BABAM2: variants seen among roughly 807,000 people sequenced by gnomAD.
BABAM2 encodes BRISC and BRCA1-A complex member 2.
BABAM2 carries 31 observed loss-of-function variants against 54.7 expected under a neutral mutation model. That is an observed-to-expected ratio of 0.57 (90% CI 0.43 to 0.77). The LOEUF (loss-of-function observed/expected upper bound fraction) is 0.77. Among genes scored for constraint, BABAM2 ranks in the 30% least tolerant of loss-of-function variants. The pLI is 0.00. For missense variants in BABAM2, 364 were observed against 455.8 expected (o/e 0.80, Z 1.83); for synonymous variants, 167 against 162.9 (o/e 1.03, Z -0.19).
intron 10 of BABAM2, among the ~76,000 whole-genome samples, chr2:28,296,266 T>C (rs776773679): frequency 9.9e-5 from 15 of 152,242 alleles, no homozygotes; most frequent in Non-Finnish European, 1.9e-4. Flanking sequence ...AAGCGATTTC[T>C]GAATTGAATT....
At chr2:28,093,270 G>A (rs1666316913) in intron 6 of BABAM2, among the ~76,000 whole-genome samples, 1 of 152,060 alleles carries the variant, frequency 6.6e-6, no homozygotes, top group Non-Finnish European at 1.5e-5. Flanking sequence ...TTCTGTTTTG[G>A]GTTGTTTTGT....
At chr2:28,128,734 A>G (rs1431341971) in intron 6 of BABAM2, among the ~76,000 whole-genome samples, 1 of 152,212 alleles carries the variant, frequency 6.6e-6, no homozygotes, top group African/African-American at 2.4e-5. Flanking sequence ...CATGATTCAC[A>G]TATGAATCAT....
chr2:28,246,881 T>C (rs1277351465), intron 10 of BABAM2, among the ~76,000 whole-genome samples: 1 of 152,238 alleles, frequency 6.6e-6, no homozygotes, highest in Admixed American at 6.5e-5. Context: ...AACTCGTTTG[T>C]CAGTACATTC....
chr2:28,297,492 A>G (rs543708602), intron 10 of BABAM2, among the ~76,000 whole-genome samples: 12 of 152,272 alleles, frequency 7.9e-5, no homozygotes, highest in Admixed American at 4.6e-4. Context: ...TTTAATGATG[A>G]TTTGCCTCAA....
At chr2:28,233,364 C>T in intron 7 of BABAM2, 1 of 438,826 alleles carries the variant, frequency 2.3e-6, no homozygotes, top group South Asian at 1.7e-5. Flanking sequence ...GGGTGAGTTT[C>T]CTGTTGTACA....
chr2:27,908,365 G>A (rs1327482556), intron 2 of BABAM2, among the ~76,000 whole-genome samples: 1 of 152,018 alleles, frequency 6.6e-6, no homozygotes, highest in Non-Finnish European at 1.5e-5. Context: ...TCAACCTCCT[G>A]GGCTCAAGCA....
intron 7 of BABAM2, chr2:28,134,529 C>G (rs1670374806): frequency 6.6e-6 from 1 of 152,278 alleles, no homozygotes; most frequent in Non-Finnish European, 1.5e-5. Flanking sequence ...CTTCCTCATT[C>G]CCTGTGCTGT....
At chr2:28,030,918 C>G (rs1014855676) in intron 5 of BABAM2, among the ~76,000 whole-genome samples, 5 of 152,060 alleles carry the variant, frequency 3.3e-5, no homozygotes, top group African/African-American at 1.2e-4. Flanking sequence ...CAGATATGCT[C>G]TCTGGGACAT....
intron 2 of BABAM2, among the ~76,000 whole-genome samples, chr2:27,925,281 A>G (rs1370304448): frequency 6.6e-6 from 1 of 152,020 alleles, no homozygotes; most frequent in Non-Finnish European, 1.5e-5. Context: ...GACTGTTTCC[A>G]TAGAAGATTT....
intron 7 of BABAM2, among the ~76,000 whole-genome samples, chr2:28,210,632 C>A (rs1356058491): frequency 6.6e-6 from 1 of 152,146 alleles, no homozygotes; most frequent in African/African-American, 2.4e-5. Flanking sequence ...TTTTCCCCTT[C>A]AGAGAGAAAG....
chr2:28,229,581 C>A (rs538159384), intron 7 of BABAM2, among the ~76,000 whole-genome samples: 1 of 72,690 alleles, frequency 1.4e-5, no homozygotes, highest in African/African-American at 4.6e-5. Flanking sequence ...AGTATGCCTT[C>A]TTTTTTTCTT....
At chr2:28,321,827 T>C (rs1356092421) in intron 11 of BABAM2, among the ~76,000 whole-genome samples, 1 of 151,946 alleles carries the variant, frequency 6.6e-6, no homozygotes, top group Non-Finnish European at 1.5e-5. Flanking sequence ...TGCCTCTCAC[T>C]GCTTGGAGAG....
At chr2:27,987,748 G>A (rs1244280176) in intron 3 of BABAM2, among the ~76,000 whole-genome samples, 2 of 150,566 alleles carry the variant, frequency 1.3e-5, no homozygotes, top group African/African-American at 2.5e-5. Flanking sequence ...CTGGGAGGTC[G>A]AGGCTGCAGT....
At chr2:28,034,307 A>G (rs1210931328) in intron 5 of BABAM2, among the ~76,000 whole-genome samples, 1 of 152,142 alleles carries the variant, frequency 6.6e-6, no homozygotes, top group African/African-American at 2.4e-5. Context: ...TCCATGTGTC[A>G]CTTTCCTGGA....
intron 7 of BABAM2, among the ~76,000 whole-genome samples, chr2:28,233,548 T>A (rs1681618851): frequency 6.6e-6 from 1 of 152,216 alleles, no homozygotes; most frequent in Non-Finnish European, 1.5e-5. Context: ...TGTTAAATAT[T>A]TACCCATGAG....
At chr2:28,164,107 T>C (rs965975584) in intron 7 of BABAM2, among the ~76,000 whole-genome samples, 13 of 152,208 alleles carry the variant, frequency 8.5e-5, no homozygotes, top group African/African-American at 2.9e-4. Context: ...CCAAGGATCA[T>C]AGGGATGGAA....
intron 4 of BABAM2, among the ~76,000 whole-genome samples, chr2:27,993,836 C>T (rs1320338975): frequency 6.6e-6 from 1 of 152,146 alleles, no homozygotes; most frequent in Non-Finnish European, 1.5e-5. Context: ...ACTTTTCCTC[C>T]TGTGCTCTTC....
At position 28,059,860 on chromosome 2, in the gene BABAM2, A is replaced by T. The variant is rs144530618; in HGVS notation, c.570+14061A>T. On this transcript the variant is annotated intron_variant, in intron 6 of 11. Transcript: ENST00000379624. ...TAATTTGGATAGCCTTGTGTCTATT[A>T]TAGTTAAATATGTTCCCACCATGAA... Among the ~76,000 whole-genome samples the T allele has an allele frequency of 4.9e-4, 75 of 152,344 alleles. 1 individual carries two copies. In the East Asian group the frequency reaches 0.014, roughly 29 times the overall value.
chr2:28,003,789 A>G lies in BABAM2; in HGVS notation c.300+15702A>G, dbSNP rs141480731. On this transcript the variant is annotated intron_variant, in intron 4 of 11. Coordinates refer to ENST00000379624, the MANE Select transcript of BABAM2 (RefSeq NM_199191.3). The stretch of plus-strand genomic sequence containing the variant: ...GTCTCACAAGGCCATTTTAGGGAAT[A>G]AAGACAGTAATATTTGAATGTAAAA... Among the ~76,000 whole-genome samples, 1,042 of 152,322 alleles carry G rather than the reference A, an allele frequency of 6.8e-3. 7 individuals carry two copies. The highest frequency in any genetic ancestry group is 0.01 in the Non-Finnish European group (694 of 68,028).
Sources: gnomAD v4.1 joint callset for allele counts (sites outside exome capture counted in the v4.1 genomes callset) on GRCh38, gnomAD v4.1.1 for gene constraint, MANE v1.5 for transcripts, NCBI Gene and HGNC (gene_info 2026-07-23, HGNC 2026-07-21) for gene names.